The following UVRAG variants were observed in gnomAD, a reference collection of about 807,000 sequenced individuals.
The protein encoded by UVRAG is UV radiation resistance-associated gene protein.
A neutral mutation model predicts 78.0 loss-of-function variants in UVRAG; 19 were observed. That is an observed-to-expected ratio of 0.24 (90% confidence interval 0.17 to 0.36). The LOEUF (loss-of-function observed/expected upper bound fraction) is 0.36, where lower values mean the gene tolerates loss of function less well. Ranked by LOEUF, UVRAG falls within the 10% of genes least tolerant of loss-of-function variation. The pLI is 1.00. For synonymous variants in UVRAG, 323 were observed against 324.6 expected (o/e 1.00, Z 0.05); for missense variants, 740 against 853.8 (o/e 0.87, Z 1.66).
At chr11:75,895,488 C>T (rs923116275) in intron 5 of UVRAG, among the ~76,000 whole-genome samples, 6 of 152,172 alleles carry the variant, frequency 3.9e-5, no homozygotes, top group Admixed American at 1.3e-4. Flanking sequence ...CTACCTAATA[C>T]ACTGAAAAAT....
intron 5 of UVRAG, among the ~76,000 whole-genome samples, chr11:75,892,086 A>G (rs886791158): frequency 6.6e-6 from 1 of 152,208 alleles, no homozygotes; most frequent in Non-Finnish European, 1.5e-5. Flanking sequence ...AACCTCCCCC[A>G]CAAAATAACA....
At chr11:76,080,789 C>A (rs915715909) in intron 13 of UVRAG, among the ~76,000 whole-genome samples, 1 of 152,156 alleles carries the variant, frequency 6.6e-6, no homozygotes, top group African/African-American at 2.4e-5. Flanking sequence ...GTTATTTTTT[C>A]ATACTTTGTA....
rs571805548 is a variant in UVRAG, at chr11:76,014,693, A to T, written c.1061-2122A>T. 3.3e-5 allele frequency among the ~76,000 whole-genome samples: 5 copies of T among 152,320 alleles called. No homozygotes were observed. The South Asian group carries it at 1.0e-3, about 32-fold the overall frequency. On this transcript the variant is annotated intron_variant, in intron 11 of 14. Coordinates refer to ENST00000356136, the MANE Select transcript of UVRAG (RefSeq NM_003369.4). ...ACTTCATCACTCATAGTTTCTACCT[A>T]TGTGGCTTTGACCAAGCCATTTATA... is the stretch of plus-strand genomic sequence containing the variant.
intron 7 of UVRAG, among the ~76,000 whole-genome samples, chr11:75,977,896 A>T (rs1949282373): frequency 1.3e-5 from 2 of 152,134 alleles, no homozygotes; most frequent in Non-Finnish European, 2.9e-5. Context: ...TTACGTGTGA[A>T]TTTGATCCTG....
At chr11:75,859,401 G>A (rs1330375317) in intron 2 of UVRAG, among the ~76,000 whole-genome samples, 1 of 150,486 alleles carries the variant, frequency 6.6e-6, no homozygotes, top group African/African-American at 2.4e-5. Context: ...AAATTTCCTT[G>A]TATGATTTTA....
intron 1 of UVRAG, among the ~76,000 whole-genome samples, chr11:75,842,348 G>A (rs546687738): frequency 6.0e-4 from 92 of 152,084 alleles, no homozygotes; most frequent in Middle Eastern, 3.4e-3. Flanking sequence ...TTTGATGTGC[G>A]TATTTTAAAA....
intron 7 of UVRAG, among the ~76,000 whole-genome samples, chr11:75,961,936 G>A (rs1014322353): frequency 6.6e-6 from 1 of 152,150 alleles, no homozygotes; most frequent in African/African-American, 2.4e-5. Context: ...AGCAAAACAG[G>A]CTGGTTTGTG....
intron 14 of UVRAG, among the ~76,000 whole-genome samples, chr11:76,134,803 G>A (rs1241411065): frequency 6.6e-6 from 1 of 152,116 alleles, no homozygotes; most frequent in Non-Finnish European, 1.5e-5. Flanking sequence ...TACTGTAGTC[G>A]ATCTATTTTA....
chr11:75,945,208 C>T (rs1948565918), intron 6 of UVRAG, among the ~76,000 whole-genome samples: 1 of 151,886 alleles, frequency 6.6e-6, no homozygotes, highest in Admixed American at 6.6e-5. Context: ...GTCTGTTGTG[C>T]TTTGGGGGGT....
chr11:76,046,232 AGAT>A (rs1483465722), intron 12 of UVRAG, among the ~76,000 whole-genome samples: 10 of 152,198 alleles, frequency 6.6e-5, no homozygotes, highest in African/African-American at 2.2e-4. Context: ...AACTTCTGGA[AGAT>A]GTGCTCTATT....
At chr11:75,964,457 T>G (rs571839924) in intron 7 of UVRAG, among the ~76,000 whole-genome samples, 2 of 152,386 alleles carry the variant, frequency 1.3e-5, no homozygotes, top group South Asian at 4.1e-4. Flanking sequence ...AGCTTGTGTC[T>G]TTCAAGGATT....
intron 1 of UVRAG, among the ~76,000 whole-genome samples, chr11:75,819,568 A>G (rs780234914): frequency 6.7e-6 from 1 of 149,764 alleles, no homozygotes; most frequent in Non-Finnish European, 1.5e-5. Flanking sequence ...CTGGTCTTGA[A>G]CTCCTGGCCT....
chr11:75,976,135 T>C (rs1275207542), intron 7 of UVRAG, among the ~76,000 whole-genome samples: 2 of 152,238 alleles, frequency 1.3e-5, no homozygotes, highest in East Asian at 3.8e-4. Flanking sequence ...CATGTGGTTT[T>C]TGTCTTTGGT....
intron 1 of UVRAG, among the ~76,000 whole-genome samples, chr11:75,824,989 A>G (rs1000715260): frequency 6.6e-6 from 1 of 151,838 alleles, no homozygotes; most frequent in South Asian, 2.1e-4. Context: ...GTCATTTTCA[A>G]CGTACTGGAA....
At chr11:76,008,781 A>C in intron 10 of UVRAG, 26 bp from the exon 11 acceptor site, 1 of 1,331,956 alleles carries the variant, frequency 7.5e-7, no homozygotes, top group East Asian at 2.5e-5. Flanking sequence ...TTATTTATTA[A>C]TTTTATTCTT....
intron 6 of UVRAG, among the ~76,000 whole-genome samples, chr11:75,935,615 C>T (rs1948356721): frequency 6.6e-6 from 1 of 152,142 alleles, no homozygotes; most frequent in Admixed American, 6.5e-5. Context: ...TACCTTAATA[C>T]TCCCTGCCTT....
intron 11 of UVRAG, among the ~76,000 whole-genome samples, chr11:76,010,785 C>A (rs1037598066): frequency 6.6e-6 from 1 of 152,048 alleles, no homozygotes; most frequent in Non-Finnish European, 1.5e-5. Flanking sequence ...CAGTAAAGAC[C>A]AGACGTGTGC....
chr11:75,915,974 T>C (rs1947842972), intron 6 of UVRAG, among the ~76,000 whole-genome samples: 1 of 152,254 alleles, frequency 6.6e-6, no homozygotes, highest in Non-Finnish European at 1.5e-5. Context: ...ATATCTAATC[T>C]GTTCTCTGAC....
intron 8 of UVRAG, among the ~76,000 whole-genome samples, chr11:75,998,194 T>C (rs919492471): frequency 3.9e-5 from 6 of 152,212 alleles, no homozygotes; most frequent in Non-Finnish European, 8.8e-5. Flanking sequence ...AGCTCACTTA[T>C]ACTAATGGCA....
Sources: gnomAD v4.1 joint callset for allele counts (sites outside exome capture counted in the v4.1 genomes callset) on GRCh38, gnomAD v4.1.1 for gene constraint, MANE v1.5 for transcripts, NCBI Gene and HGNC (gene_info 2026-07-23, HGNC 2026-07-21) for gene names.